The following NXPH2 variants were observed in gnomAD, a reference collection of about 807,000 sequenced individuals.
NXPH2 encodes neurexophilin-2.
A neutral mutation model predicts 19.8 loss-of-function variants in NXPH2; 5 were observed. That is an observed-to-expected ratio of 0.25 (90% CI 0.13 to 0.53). The LOEUF (loss-of-function observed/expected upper bound fraction) is 0.53. NXPH2 is among the 20% of genes least tolerant of loss of function. The pLI is 0.96. For missense variants in NXPH2, 289 were observed against 322.8 expected (o/e 0.90, Z 0.80); for synonymous variants, 154 against 127.4 (o/e 1.21, Z -1.41).
intron 1 of NXPH2, among the ~76,000 whole-genome samples, chr2:138,681,536 A>ATT (rs1680580132): frequency 6.6e-6 from 1 of 152,212 alleles, no homozygotes; most frequent in Non-Finnish European, 1.5e-5. Flanking sequence ...TGTTGTAACT[A>ATT]TTTTATAGTA....
chr2:138,762,859 C>A (rs1454872791), intron 1 of NXPH2, among the ~76,000 whole-genome samples: 1 of 152,180 alleles, frequency 6.6e-6, no homozygotes, highest in Non-Finnish European at 1.5e-5. Context: ...AGAAGAGGAG[C>A]TATTCCATAC....
Position 138,671,618 on chromosome 2 carries a change from A to G in NXPH2, c.99T>C (p.Asp33=). The change falls in exon 2 of 2, where the codon GAT becomes GAC. Residue 33 remains aspartate (D), a synonymous_variant. Transcript: ENST00000272641. ...KEVVHATEGL[D]WEDKDAPGTL... Reference sequence around the variant, plus strand: ...TCCCTGGAGCATCTTTGTCTTCCCAATCCAGCCCCTCCGTGGCATGCACCA... The same window carrying G: ...TCCCTGGAGCATCTTTGTCTTCCCAGTCCAGCCCCTCCGTGGCATGCACCA... 6.2e-7 allele frequency: 1 copy of G among 1,603,862 alleles called. No homozygotes were observed.
chr2:138,709,584 T>A (rs1435559841), intron 1 of NXPH2, among the ~76,000 whole-genome samples: 1 of 152,110 alleles, frequency 6.6e-6, no homozygotes, highest in African/African-American at 2.4e-5. Flanking sequence ...CTGAATCCTA[T>A]GGGTTTTGAC....
chr2:138,672,449 G>A (rs1004621147), intron 1 of NXPH2, among the ~76,000 whole-genome samples: 1 of 152,206 alleles, frequency 6.6e-6, no homozygotes, highest in Non-Finnish European at 1.5e-5. Context: ...CCACCGAAAC[G>A]TAAGACTTTA....
At chr2:138,716,257 A>G (rs1181499517) in intron 1 of NXPH2, among the ~76,000 whole-genome samples, 1 of 152,166 alleles carries the variant, frequency 6.6e-6, no homozygotes, top group Non-Finnish European at 1.5e-5. Context: ...TATGGTCTGC[A>G]TGTTTATATC....
intron 1 of NXPH2, among the ~76,000 whole-genome samples, chr2:138,694,240 C>T (rs1680793670): frequency 6.6e-6 from 1 of 152,176 alleles, no homozygotes; most frequent in South Asian, 2.1e-4. Flanking sequence ...AACTGAGGAA[C>T]TGTTGTTTAC....
chr2:138,711,505 A>G (rs988307537), intron 1 of NXPH2, among the ~76,000 whole-genome samples: 5 of 152,064 alleles, frequency 3.3e-5, no homozygotes, highest in African/African-American at 9.7e-5. Flanking sequence ...TGCCTTGGCT[A>G]TCTCATGACA....
At chr2:138,674,143 A>G (rs1680452384) in intron 1 of NXPH2, among the ~76,000 whole-genome samples, 2 of 151,432 alleles carry the variant, frequency 1.3e-5, no homozygotes. Flanking sequence ...ATGCCTGGCT[A>G]ATTTTCTTTT....
At chr2:138,759,686 G>C (rs1294060973) in intron 1 of NXPH2, among the ~76,000 whole-genome samples, 1 of 151,468 alleles carries the variant, frequency 6.6e-6, no homozygotes, top group Non-Finnish European at 1.5e-5. Context: ...AAGCGGGTAT[G>C]GATAGAGATT....
At chr2:138,776,166 T>C (rs1417106407) in intron 1 of NXPH2, among the ~76,000 whole-genome samples, 2 of 152,136 alleles carry the variant, frequency 1.3e-5, no homozygotes, top group African/African-American at 2.4e-5. Flanking sequence ...CGGTGTCTTA[T>C]ATAAACCAAC....
intron 1 of NXPH2, among the ~76,000 whole-genome samples, chr2:138,777,833 A>T (rs1682290439): frequency 8.5e-5 from 5 of 58,608 alleles, no homozygotes; most frequent in Admixed American, 1.9e-4. Flanking sequence ...CAAAAAATTA[A>T]AAAAAAAAAA....
At chr2:138,692,576 T>C (rs1320134297) in intron 1 of NXPH2, among the ~76,000 whole-genome samples, 1 of 152,210 alleles carries the variant, frequency 6.6e-6, no homozygotes, top group Admixed American at 6.5e-5. Context: ...ATGGAGCAAG[T>C]ATTGTTAATG....
intron 1 of NXPH2, among the ~76,000 whole-genome samples, chr2:138,688,065 A>G (rs1340388350): frequency 2.0e-5 from 3 of 152,106 alleles, no homozygotes; most frequent in Non-Finnish European, 4.4e-5. Flanking sequence ...GTTTTTTCCA[A>G]TTCTGTGAAG....
At chr2:138,770,285 T>G (rs1192388063) in intron 1 of NXPH2, among the ~76,000 whole-genome samples, 1 of 152,146 alleles carries the variant, frequency 6.6e-6, no homozygotes, top group Non-Finnish European at 1.5e-5. Context: ...TCTGGCATGT[T>G]TCACTTTAGT....
intron 1 of NXPH2, among the ~76,000 whole-genome samples, chr2:138,766,308 G>A (rs113825447): frequency 8.8e-4 from 134 of 152,298 alleles, no homozygotes; most frequent in African/African-American, 3.2e-3. Context: ...AGTTGAGAGA[G>A]GCTGAAGCAG....
intron 1 of NXPH2, among the ~76,000 whole-genome samples, chr2:138,720,269 T>C (rs1681257965): frequency 6.6e-6 from 1 of 152,220 alleles, no homozygotes; most frequent in Non-Finnish European, 1.5e-5. Flanking sequence ...GGGAGAGTCT[T>C]GTCTTCTTAC....
intron 1 of NXPH2, among the ~76,000 whole-genome samples, chr2:138,723,235 T>C (rs1227538343): frequency 1.3e-5 from 2 of 152,152 alleles, no homozygotes; most frequent in African/African-American, 4.8e-5. Context: ...TCCAAGGAAC[T>C]TTAATGAAGC....
At chr2:138,765,836 T>C (rs994503444) in intron 1 of NXPH2, among the ~76,000 whole-genome samples, 2 of 152,244 alleles carry the variant, frequency 1.3e-5, no homozygotes, top group African/African-American at 4.8e-5. Context: ...TCAAGTGTGA[T>C]GTAGTTCACG....
At chr2:138,766,614 C>T (rs972409625) in intron 1 of NXPH2, among the ~76,000 whole-genome samples, 1 of 152,146 alleles carries the variant, frequency 6.6e-6, no homozygotes, top group African/African-American at 2.4e-5. Context: ...AGCAGATGGC[C>T]TCTGCTTTCC....
Sources: allele counts gnomAD v4.1 joint callset (sites outside exome capture counted in the v4.1 genomes callset), GRCh38; gene constraint gnomAD v4.1.1; transcripts MANE v1.5; gene names NCBI Gene and HGNC (gene_info 2026-07-23, HGNC 2026-07-21).